Variants in SF1 observed in about 807,000 individuals in gnomAD.
SF1 encodes branch point-binding protein.
A neutral mutation model predicts 62.5 loss-of-function variants in SF1; 7 were observed. The observed-to-expected ratio is 0.11, with a 90% CI of 0.06 to 0.21. The LOEUF is 0.21. Ranked by LOEUF, SF1 falls within the 10% of genes least tolerant of loss-of-function variation. SF1 has a pLI of 1.00. For synonymous variants in SF1, 394 were observed against 323.6 expected (o/e 1.22, Z -2.33); for missense variants, 578 against 884.0 (o/e 0.65, Z 4.39).
chr11:64,777,477 C>G, intron 1 of SF1: 1 of 984,012 alleles, frequency 1.0e-6, no homozygotes, highest in Non-Finnish European at 1.2e-6. Context: ...TCAGACCCAA[C>G]CATCATCTGA....
Position 64,778,413 on chromosome 11 carries a change from C to G in SF1, c.-21G>C. On this transcript the variant is annotated 5_prime_UTR_variant, in exon 1 of 13. Transcript: ENST00000377390. The stretch of plus-strand genomic sequence containing the variant: ...GCCATGGCGCCCCCGGGGACAGGCA[C>G]CGGCACCTGCTTTTCCTCTGCGGCG... The G allele has an allele frequency of 8.2e-7, 1 of 1,226,644 alleles. No individual in the cohort carries two copies. Among genetic ancestry groups the G allele is most frequent in the East Asian group, 3.2e-5 (1 of 31,046 alleles). 76.0% of individuals were successfully genotyped at this position (1,226,644 alleles called of 1,614,324 possible). A position where few individuals can be genotyped will look rare whatever the true frequency, so the allele number is the denominator to read the frequency against.
At chr11:64,776,683 G>A (rs1464483645) in intron 1 of SF1, 57 bp from the exon 2 acceptor site, 17 of 1,554,044 alleles carry the variant, frequency 1.1e-5, no homozygotes, top group South Asian at 8.1e-5. Context: ...TCAACAGACA[G>A]CTAAGGGTAT....
chr11:64,774,912 G>T (rs1938919583), intron 2 of SF1, among the ~76,000 whole-genome samples: 1 of 148,450 alleles, frequency 6.7e-6, no homozygotes, highest in African/African-American at 2.5e-5. Context: ...AGTGAGCCGA[G>T]ATCGCACCAC....
chr11:64,772,715 C>T, intron 3 of SF1: 2 of 985,324 alleles, frequency 2.0e-6, no homozygotes, highest in African/African-American at 1.7e-5. Flanking sequence ...AGTTCATCTC[C>T]CCCACACAAT....
chr11:64,767,903 T>TG, intron 9 of SF1, 59 bp from the exon 10 acceptor site: 1 of 1,584,678 alleles, frequency 6.3e-7, no homozygotes, highest in Non-Finnish European at 8.6e-7. Flanking sequence ...GCAACATTGT[T>TG]CTTCGGGTTA....
chr11:64,777,425 AAAAC>A (rs1267715217), intron 1 of SF1: 15 of 884,318 alleles, frequency 1.7e-5, no homozygotes, highest in South Asian at 1.6e-4. Context: ...TTTAAAAAAA[AAAAC>A]AAACTAAAAT....
chr11:64,768,093 C>T lies in SF1; in HGVS notation c.1068+13G>A, dbSNP rs765208691. ...GGGGAAGCCAGACCAAGAGAGCCAG[C>T]CCCCAGGCTCACCGGTGGAGGTGGG... On this transcript the variant is annotated intron_variant, in intron 9 of 12. Transcript: ENST00000377390. 2.5e-6 allele frequency: 4 copies of T among 1,603,504 alleles called. No individual in the cohort carries two copies. In the South Asian group the frequency reaches 3.3e-5, roughly 13 times the overall value.
intron 3 of SF1, 61 bp from the exon 4 acceptor site, chr11:64,770,469 T>C (rs1938135836): frequency 1.9e-6 from 3 of 1,571,512 alleles, no homozygotes; most frequent in African/African-American, 2.7e-5. Context: ...CCACACGGAC[T>C]ATAACAAGTC....
At position 64,765,528 on chromosome 11, in the gene SF1, C is replaced by T; in HGVS notation, c.*290G>A. 3 of 1,603,838 alleles carry T rather than the reference C, an allele frequency of 1.9e-6. No individual in the cohort carries two copies. Among genetic ancestry groups the T allele is most frequent in the Non-Finnish European group, 2.6e-6 (3 of 1,176,258 alleles). ...GCCGCGGGGAGGGATCCTGGCGGCC[C>T]GGTTTGGGGAGAGGCAAAGGGAGTT... On this transcript the variant is annotated 3_prime_UTR_variant, in exon 13 of 13. Transcript: ENST00000377390.
In SF1 at chr11:64,773,443, TA is replaced by T; in HGVS notation, c.222del (p.Asn75ThrfsTer62). On this transcript the variant is annotated frameshift_variant, in exon 3 of 13. Transcript: ENST00000377390. LOFTEE classifies it high-confidence loss of function. ...KLRTGDLGIPPNPEDRSPSPE... is the reference protein window; with the variant it reads ...KLRTGDLGIPXNPEDRSPSPE... Reference sequence around the variant, plus strand: ...CTGTTTCCCAACCTGTCCTCAGGGTTAGGGGGGATGCCCAGGTCTCCTGTGC... The same window carrying T: ...CTGTTTCCCAACCTGTCCTCAGGGTTGGGGGGATGCCCAGGTCTCCTGTGC... 6.2e-7 allele frequency: 1 copy of T among 1,613,724 alleles called. No individual in the cohort carries two copies. The highest frequency in any genetic ancestry group is 8.5e-7 in the Non-Finnish European group (1 of 1,179,920).
Position 64,769,306 on chromosome 11 carries a change from A to C in SF1, c.696T>G (p.Thr232=). 6.2e-7 allele frequency: 1 copy of C among 1,614,070 alleles called. No homozygotes were observed. ...TCCGTAGATCATTCTGGTCCTCTGG[A>C]GTCTCGATACCCTGCTTCAGGATGT... ...IRNILKQGIE[T]PEDQNDLRKM... is the part of the protein sequence containing the mutation. The change falls in exon 7 of 13, where the codon ACT becomes ACG. Residue 232 remains threonine (T), a synonymous_variant. Transcript: ENST00000377390.
chr11:64,768,184 G>A lies in SF1; in HGVS notation c.990C>T (p.Gly330=), dbSNP rs1338248441. Residue 330 remains glycine, a synonymous_variant, in exon 9 of 13, where the codon GGC becomes GGT. Coordinates refer to ENST00000377390, the MANE Select transcript of SF1 (RefSeq NM_004630.4). ...GTGTGGTGGCAGGCCCAGAGGTGGAGCCCACAGATGCTGGGACAGGTGCTT... is the reference window on the plus strand; with the variant it reads ...GTGTGGTGGCAGGCCCAGAGGTGGAACCCACAGATGCTGGGACAGGTGCTT... The part of the protein sequence containing the change: ...LGEAPVPASV[G]STSGPATTPL... The A allele has an allele frequency of 6.2e-7, 1 of 1,613,948 alleles. No homozygotes were observed. Among genetic ancestry groups the A allele is most frequent in the African/African-American group, 1.3e-5 (1 of 74,928 alleles).
intron 1 of SF1, among the ~76,000 whole-genome samples, chr11:64,777,124 ATTC>A (rs1206078240): frequency 6.6e-6 from 1 of 152,248 alleles, no homozygotes; most frequent in Non-Finnish European, 1.5e-5. Flanking sequence ...GAAAAGCCCA[ATTC>A]TTCAACAAGA....
chr11:64,773,278 A>G, intron 3 of SF1, 152 bp downstream of exon 3: 4 of 1,454,956 alleles, frequency 2.7e-6, no homozygotes, highest in South Asian at 1.5e-5. Context: ...CTGACCATAC[A>G]TATTTCTAAT....
Position 64,767,815 on chromosome 11 carries a change from T to G in SF1, c.1098A>C (p.Pro366=), listed in dbSNP as rs1297590797. 1 of 1,613,404 alleles carries G rather than the reference T, an allele frequency of 6.2e-7. No homozygotes were observed. The highest frequency in any genetic ancestry group is 2.2e-5 in the East Asian group (1 of 44,866). ...CTGAAGGGCCAGAATTCATCCAGGG[T>G]GGGCGGCTCTGGGTGGTAGACATGA... The part of the protein sequence containing the change: ...PSLMSTTQSR[P]PWMNSGPSES... Residue 366 remains proline (P), a synonymous_variant, in exon 10 of 13, where the codon CCA becomes CCC. Transcript: ENST00000377390.
rs1378844962 is a variant in SF1 at position 64,769,092 on chromosome 11, T to C, written c.817A>G (p.Ile273Val). The change falls in exon 8 of 13, where the codon ATT (isoleucine) becomes GTT (valine). Residue 273 changes from isoleucine (I) to valine (V), a missense_variant. Ile to Val is a conservative substitution (Grantham distance 29). Around this residue, in one of 7 missense-constraint regions of SF1, gnomAD observed 45 missense variants for 97.8 expected, o/e 0.46. Transcript: ENST00000377390. ...RPWQSSETRS[I>V]TNTTVCTKCG... ...TTGGTACACACTGTGGTGTTGGTAA[T>C]GCTGCGGGTCTCTGAGCTCTGCCAG... The C allele has an allele frequency of 1.2e-6, 2 of 1,614,214 alleles. No homozygotes were observed. Among genetic ancestry groups the C allele is most frequent in the South Asian group, 1.1e-5 (1 of 91,090 alleles).
intron 1 of SF1, among the ~76,000 whole-genome samples, chr11:64,777,236 TCAA>T (rs1457405514): frequency 1.3e-5 from 2 of 152,112 alleles, no homozygotes; most frequent in Non-Finnish European, 2.9e-5. Context: ...TATCAAAAAT[TCAA>T]CAACCTATAC....
intron 1 of SF1, chr11:64,777,708 T>C (rs1939547054): frequency 2.0e-6 from 2 of 985,568 alleles, no homozygotes; most frequent in African/African-American, 1.7e-5. Flanking sequence ...ACAGCAATAG[T>C]GGGCCCCCAG....
At chr11:64,766,420 C>T in intron 12 of SF1, 1 of 510,072 alleles carries the variant, frequency 2.0e-6, no homozygotes, top group Non-Finnish European at 3.5e-6. Context: ...GTACCAGACA[C>T]AAGAACAGCT....
Sources: allele counts gnomAD v4.1 joint callset (sites outside exome capture counted in the v4.1 genomes callset), GRCh38; gene constraint gnomAD v4.1.1; regional missense constraint gnomAD v4.1.1; transcripts MANE v1.5; gene names NCBI Gene and HGNC (gene_info 2026-07-23, HGNC 2026-07-21).